PPL: variants seen among roughly 807,000 people sequenced by gnomAD.
PPL encodes periplakin, also known as 190 kDa paraneoplastic pemphigus antigen.
Under a neutral mutation model 194.4 loss-of-function variants are expected in PPL, and 198 were observed. That is an observed-to-expected ratio of 1.02 (90% CI 0.91 to 1.15). The LOEUF is 1.15. PPL is among the 50% of genes most tolerant of loss of function. PPL has a pLI of 0.00. For synonymous variants in PPL, 1,220 were observed against 972.4 expected (o/e 1.25, Z -4.74); for missense variants, 2,885 against 2,294.8 (o/e 1.26, Z -5.25).
chr16:4,911,131 C>T (rs1262286476), intron 1 of PPL, among the ~76,000 whole-genome samples, 182 bp from the exon 2 acceptor site: 1 of 149,982 alleles, frequency 6.7e-6, no homozygotes, highest in Admixed American at 6.6e-5. Flanking sequence ...AGAGACAAGG[C>T]AGCGCCTGGC....
chr16:4,919,082 C>T (rs1046414174), intron 1 of PPL, among the ~76,000 whole-genome samples: 15 of 152,230 alleles, frequency 9.9e-5, no homozygotes, highest in East Asian at 3.9e-4. Context: ...ACACACACAC[C>T]GGAAAAGGGA....
Position 4,885,819 on chromosome 16 carries a change from G to A in PPL, c.2836C>T (p.Leu946=). 6.2e-7 allele frequency: 1 copy of A among 1,608,316 alleles called. No homozygotes were observed. Among genetic ancestry groups the A allele is most frequent in the African/African-American group, 1.3e-5 (1 of 75,040 alleles). The change falls in exon 22 of 22, where the codon CTG becomes TTG. Residue 946 remains leucine, a synonymous_variant. Transcript: ENST00000345988. This position sits in a 1 kb window ranked among gnomAD's most constrained non-coding sequence, Gnocchi z 6.3. Reference sequence around the variant, plus strand: ...TGCAGCTGCTGGAAGCTCTCCTCCAGCACGGGATCCGGCACCTTCTTGAGC... The same window carrying A: ...TGCAGCTGCTGGAAGCTCTCCTCCAACACGGGATCCGGCACCTTCTTGAGC... ...EVLKKVPDPV[L]EESFQQLQRT... is the part of the protein sequence containing the mutation.
chr16:4,893,631 T>C lies in PPL; in HGVS notation c.1402A>G (p.Ser468Gly). The C allele has an allele frequency of 6.3e-7, 1 of 1,588,660 alleles. No homozygotes were observed. The highest frequency in any genetic ancestry group is 1.7e-5 in the Admixed American group (1 of 57,660). Residue 468 changes from serine to glycine, a missense_variant, in exon 13 of 22, where the codon AGC becomes GGC. By Grantham distance (56) the Ser-to-Gly change is moderately conservative. Coordinates refer to ENST00000345988, the MANE Select transcript of PPL (RefSeq NM_002705.5). Reference protein sequence around the residue: ...EALALADSLGSQYRSVRQKAA... With the variant: ...EALALADSLGGQYRSVRQKAA... ...TTCTGCCGCACGCTCCGGTACTGGCTGCCCAGGCTGTGAGGACAGAAATGA... is the reference window on the plus strand; with the variant it reads ...TTCTGCCGCACGCTCCGGTACTGGCCGCCCAGGCTGTGAGGACAGAAATGA...
Position 4,916,567 on chromosome 16 carries a change from G to A in PPL, c.63-5618C>T, listed in dbSNP as rs570738264. Among the ~76,000 whole-genome samples the A allele has an allele frequency of 6.6e-5, 10 of 152,146 alleles. No individual in the cohort carries two copies. The South Asian group carries it at 1.2e-3, about 19-fold the overall frequency. ...GTTGCCCAGGCTGGACTGCAGTGGT[G>A]CAATCTTAGCTCACTGCAGCCTTGA... is the stretch of plus-strand genomic sequence containing the variant. On this transcript the variant is annotated intron_variant, in intron 1 of 21. Transcript: ENST00000345988.
At position 4,895,310 on chromosome 16, in the gene PPL, G is replaced by T. The variant is rs764732531; in HGVS notation, c.1193C>A (p.Pro398Gln). Residue 398 changes from proline to glutamine, a missense_variant, in exon 11 of 22, where the codon CCG becomes CAG. By Grantham distance (76) the Pro-to-Gln change is moderately conservative. Transcript: ENST00000345988. Reference protein sequence around the residue: ...VVPLKYRRETPLKPIPVEALC... With the variant: ...VVPLKYRRETQLKPIPVEALC... ...TGCCTCCACGGGGATGGGCTTGAGC[G>T]GAGTCTCCCGGCGGTACTTGAGGGG... The T allele has an allele frequency of 6.2e-7, 1 of 1,613,004 alleles. No individual in the cohort carries two copies. The highest frequency in any genetic ancestry group is 8.5e-7 in the Non-Finnish European group (1 of 1,179,892).
chr16:4,927,565 G>T (rs1402384729), intron 1 of PPL, among the ~76,000 whole-genome samples: 1 of 152,248 alleles, frequency 6.6e-6, no homozygotes, highest in Non-Finnish European at 1.5e-5. Flanking sequence ...GAAGCCCTGT[G>T]AGAAAGCAGT....
intron 1 of PPL, among the ~76,000 whole-genome samples, chr16:4,922,924 T>C (rs1198944752): frequency 2.0e-5 from 3 of 152,092 alleles, no homozygotes; most frequent in Non-Finnish European, 2.9e-5. Flanking sequence ...TGCCCATATA[T>C]GGGTAATGAG....
rs944807690 is a variant in PPL, at chr16:4,890,611, C to T, written c.2162+117G>A. 14 of 1,276,830 alleles carry T rather than the reference C, an allele frequency of 1.1e-5. No homozygotes were observed. The African/African-American group carries it at 1.5e-4, about 14-fold the overall frequency. The allele number at this position is 1,276,830 out of a possible 1,614,324, so 79.1% of individuals were successfully genotyped here. ...ACCACAGGGCCGTCAGAGAATCTGACGAACTCACCAAAAAGAAAAACAGCA... is the reference window on the plus strand; with the variant it reads ...ACCACAGGGCCGTCAGAGAATCTGATGAACTCACCAAAAAGAAAAACAGCA... On this transcript the variant is annotated intron_variant, in intron 17 of 21. Coordinates refer to ENST00000345988, the MANE Select transcript of PPL (RefSeq NM_002705.5).
At chr16:4,936,879 G>A in intron 1 of PPL, 105 bp downstream of exon 1, 1 of 1,181,804 alleles carries the variant, frequency 8.5e-7, no homozygotes, top group East Asian at 3.1e-5. Context: ...CCCGGTTCCT[G>A]GACCCCCGTA....
chr16:4,923,062 T>A (rs78427616), intron 1 of PPL, among the ~76,000 whole-genome samples: 1 of 152,104 alleles, frequency 6.6e-6, no homozygotes, highest in Non-Finnish European at 1.5e-5. Flanking sequence ...GGTTTGGGGA[T>A]TTGAAGGGTA....
rs763790832 is a variant in PPL, at chr16:4,884,601, G to C, written c.4054C>G (p.Gln1352Glu). The C allele has an allele frequency of 3.7e-6, 6 of 1,614,132 alleles. No homozygotes were observed. The East Asian group carries it at 6.7e-5, about 18-fold the overall frequency. ...TCCTCATACCTGACCACCTCCTGCTGCACCACCCTTTCCTTCACCCGCGAG... is the reference window on the plus strand; with the variant it reads ...TCCTCATACCTGACCACCTCCTGCTCCACCACCCTTTCCTTCACCCGCGAG... ...ELSRVKERVV[Q>E]QEVVRYEEEP... Residue 1352 changes from glutamine (Q) to glutamate (E), a missense_variant, in exon 22 of 22, where the codon CAG becomes GAG. Coordinates refer to ENST00000345988, the MANE Select transcript of PPL (RefSeq NM_002705.5). This position sits in a 1 kb window ranked among gnomAD's most constrained non-coding sequence, Gnocchi z 5.7.
intron 9 of PPL, 42 bp from the exon 10 acceptor site, chr16:4,895,758 G>C (rs766458433): frequency 1.4e-5 from 22 of 1,612,826 alleles, no homozygotes; most frequent in Non-Finnish European, 1.9e-5. Context: ...GAAACCACTA[G>C]AAGCACCTGG....
At chr16:4,927,201 A>T (rs969070080) in intron 1 of PPL, among the ~76,000 whole-genome samples, 1 of 152,208 alleles carries the variant, frequency 6.6e-6, no homozygotes, top group Admixed American at 6.5e-5. Context: ...ATTTTATAAG[A>T]CACACACACT....
intron 1 of PPL, among the ~76,000 whole-genome samples, chr16:4,933,590 TG>T (rs1352981626): frequency 6.6e-6 from 1 of 152,198 alleles, no homozygotes; most frequent in African/African-American, 2.4e-5. Context: ...ACTTGAGGCC[TG>T]TCACAAAGTA....
At chr16:4,915,525 G>A (rs889844885) in intron 1 of PPL, among the ~76,000 whole-genome samples, 1 of 152,210 alleles carries the variant, frequency 6.6e-6, no homozygotes, top group Non-Finnish European at 1.5e-5. Context: ...CTTTGAAGAA[G>A]GGGATGAAGA....
At position 4,895,418 on chromosome 16, in the gene PPL, C is replaced by T. The variant is rs758648067; in HGVS notation, c.1096-11G>A. On this transcript the variant is annotated splice_polypyrimidine_tract_variant and intron_variant, in intron 10 of 21. Coordinates refer to ENST00000345988, the MANE Select transcript of PPL (RefSeq NM_002705.5). ...CACCTTCTCCTGGTCCTGGAGAGAACGGGGTCAGGGGCCCAGGTGAGACCA... is the reference window on the plus strand; with the variant it reads ...CACCTTCTCCTGGTCCTGGAGAGAATGGGGTCAGGGGCCCAGGTGAGACCA... 20 of 1,611,782 alleles carry T rather than the reference C, an allele frequency of 1.2e-5. No individual in the cohort carries two copies. In the East Asian group the frequency reaches 2.9e-4, roughly 23 times the overall value.
rs535006094 is a variant in PPL, at chr16:4,891,839, A to G, written c.1940T>C (p.Val647Ala). ...CAGCTCCTGCCCCTTGCTGTCCAGG[A>G]CACGGCTGCTCTCAGGCACTGTGTC... ...QDDTVPESSR[V>A]LDSKGQELAA... The change falls in exon 16 of 22, where the codon GTC becomes GCC. Residue 647 changes from valine to alanine, a missense_variant. Val to Ala is a moderately conservative substitution (Grantham distance 64). Coordinates refer to ENST00000345988, the MANE Select transcript of PPL (RefSeq NM_002705.5). The G allele has an allele frequency of 8.1e-6, 13 of 1,613,166 alleles. No individual in the cohort carries two copies. The South Asian group carries it at 1.1e-4, about 14-fold the overall frequency.
chr16:4,921,675 C>T (rs1343704931), intron 1 of PPL, among the ~76,000 whole-genome samples: 1 of 152,130 alleles, frequency 6.6e-6, no homozygotes, highest in African/African-American at 2.4e-5. Context: ...CCGTGTTGGC[C>T]AGGCTGGTCT....
chr16:4,894,351 G>C, intron 12 of PPL, 116 bp downstream of exon 12: 2 of 1,326,228 alleles, frequency 1.5e-6, no homozygotes, highest in Non-Finnish European at 2.0e-6. Context: ...GATGGAGAGT[G>C]TCAGCGACCC....
Sources: gnomAD v4.1 joint callset for allele counts (sites outside exome capture counted in the v4.1 genomes callset) on GRCh38, gnomAD v4.1.1 for gene constraint, Gnocchi (gnomAD v3.1) non-coding constraint, MANE v1.5 for transcripts, NCBI Gene and HGNC (gene_info 2026-07-23, HGNC 2026-07-21) for gene names.